The following XRCC3 variants were observed in gnomAD, a reference collection of about 807,000 sequenced individuals.
XRCC3 encodes the protein DNA repair protein XRCC3.
XRCC3 carries 34 observed loss-of-function variants against 29.2 expected under a neutral mutation model. The ratio of observed to expected loss-of-function variants is 1.16; its 90% CI spans 0.88 to 1.55. The LOEUF is 1.55. Among genes scored for constraint, XRCC3 ranks in the 40% most tolerant of loss-of-function variants. The probability of loss-of-function intolerance (pLI) is 0.00; values close to 1 mark genes in which losing one functional copy is unlikely to be tolerated. For missense variants in XRCC3, 463 were observed against 467.6 expected (o/e 0.99, Z 0.09); for synonymous variants, 223 against 211.3 (o/e 1.06, Z -0.48).
chr14:103,700,925 T>C lies in XRCC3; in HGVS notation c.562-1349A>G, dbSNP rs975939482. Among the ~76,000 whole-genome samples, 6 of 152,274 alleles carry C rather than the reference T, an allele frequency of 3.9e-5. No individual in the cohort carries two copies. In the Middle Eastern group the frequency reaches 0.017, roughly 432 times the overall value. Reference sequence around the variant, plus strand: ...GGGCCACAGAGTGGGGGGGTGGGAATGGCACCAGGCTCTGCTTATGCAAGA... The same window carrying C: ...GGGCCACAGAGTGGGGGGGTGGGAACGGCACCAGGCTCTGCTTATGCAAGA... On this transcript the variant is annotated intron_variant, in intron 7 of 9. Coordinates refer to ENST00000555055, the MANE Select transcript of XRCC3 (RefSeq NM_005432.4).
In XRCC3 at chr14:103,708,560, G is replaced by A. The variant is rs117761689; in HGVS notation, c.155C>T (p.Thr52Met). ...SSPEVWHLLRTASLHLRGSSI... is the reference protein window; with the variant it reads ...SSPEVWHLLRMASLHLRGSSI... ...GCTTCCCCGCAAGTGTAAGGAGGCCGTTCTCAGCAAGTGCCAGACCTCGGG... is the reference window on the plus strand; with the variant it reads ...GCTTCCCCGCAAGTGTAAGGAGGCCATTCTCAGCAAGTGCCAGACCTCGGG... The change falls in exon 5 of 10, where the codon ACG (threonine) becomes ATG (methionine). Residue 52 changes from threonine to methionine, a missense_variant. Thr to Met is a moderately conservative substitution (Grantham distance 81). Transcript: ENST00000555055. 283 of 1,614,096 alleles carry A rather than the reference G, an allele frequency of 1.8e-4. No homozygotes were observed. The highest frequency in any genetic ancestry group is 2.1e-4 in the Non-Finnish European group (251 of 1,180,004).
At chr14:103,706,981 C>T (rs774847045) in intron 6 of XRCC3, 22 bp downstream of exon 6, 3 of 1,541,206 alleles carry the variant, frequency 1.9e-6, no homozygotes, top group Non-Finnish European at 2.6e-6. Flanking sequence ...GCCCAGACCC[C>T]ACGGAAGGGG....
intron 1 of XRCC3, chr14:103,713,491 T>A (rs984828869): frequency 1.3e-5 from 2 of 152,494 alleles, no homozygotes; most frequent in Middle Eastern, 3.4e-3. Flanking sequence ...AAGACAGACC[T>A]GTATGTCTTC....
At chr14:103,705,247 C>T (rs571054625) in intron 6 of XRCC3, 2 of 152,432 alleles carry the variant, frequency 1.3e-5, no homozygotes, top group African/African-American at 2.4e-5. Flanking sequence ...TCAGGAGCCA[C>T]AGGAAGGTCG....
At position 103,701,288 on chromosome 14, in the gene XRCC3, CT is replaced by C. The variant is rs1240513947; in HGVS notation, c.562-1713del. 2.8e-6 allele frequency: 4 copies of C among 1,428,614 alleles called. No individual in the cohort carries two copies. In the African/African-American group the frequency reaches 5.7e-5, roughly 20 times the overall value. 88.5% of individuals were successfully genotyped at this position (1,428,614 alleles called of 1,614,324 possible). On this transcript the variant is annotated intron_variant, in intron 7 of 9. Transcript: ENST00000555055. The stretch of plus-strand genomic sequence containing the variant: ...ACAGCCAGGGCGGCAGGGAGGGCCC[CT>C]GGCCGGGAGCCGCAGCGCTCACTCA...
At chr14:103,699,680 C>G (rs1305954523) in intron 7 of XRCC3, 104 bp from the exon 8 acceptor site, 2 of 1,137,966 alleles carry the variant, frequency 1.8e-6, no homozygotes, top group African/African-American at 3.1e-5. Context: ...CCTTCCTACC[C>G]ACCTGGGGCT....
In XRCC3 at chr14:103,699,574, G is replaced by A. The variant is rs1227740658; in HGVS notation, c.564C>T (p.Asp188=). 1.9e-6 allele frequency: 3 copies of A among 1,613,100 alleles called. No individual in the cohort carries two copies. Among genetic ancestry groups the A allele is most frequent in the Non-Finnish European group, 2.5e-6 (3 of 1,179,794 alleles). Reference sequence around the variant, plus strand: ...TCTTATTCACACACTCCAACAAGGTGTCCTGTGGGGACAGCTGTCATTGTC... The same window carrying A: ...TCTTATTCACACACTCCAACAAGGTATCCTGTGGGGACAGCTGTCATTGTC... ...QIFIEHVADV[D]TLLECVNKKV... is the part of the protein sequence containing the mutation. Residue 188 remains aspartate, a splice_region_variant and synonymous_variant, in exon 8 of 10, where the codon GAC becomes GAT. Transcript: ENST00000555055.
rs1788648554 is a variant in XRCC3, at chr14:103,698,528, C to CT, written c.*269dup. 1 of 517,898 alleles carries CT rather than the reference C, an allele frequency of 1.9e-6. No individual in the cohort carries two copies. The highest frequency in any genetic ancestry group is 1.9e-5 in the African/African-American group (1 of 52,102). 32.1% of individuals were successfully genotyped at this position (517,898 alleles called of 1,614,324 possible). A position where few individuals can be genotyped will look rare whatever the true frequency, so the allele number is the denominator to read the frequency against. On this transcript the variant is annotated 3_prime_UTR_variant, in exon 10 of 10. Transcript: ENST00000555055. The stretch of plus-strand genomic sequence containing the variant: ...CAGGCTCCAGCCCTGAGAATCACCT[C>CT]TCCCCAAGGGCCAGCTCAGCAGTGG...
chr14:103,707,210 G>A lies in XRCC3; in HGVS notation c.199C>T (p.Gln67Ter). Residue 67 changes from glutamine (Q) to a stop codon, truncating the protein, a stop_gained, in exon 6 of 10, where the codon CAG (glutamine) becomes TAG (stop). Transcript: ENST00000555055. LOFTEE classifies it high-confidence loss of function. ...AACCGCTCCTTCTGCTGGTGCAGCT[G>A]CAGTGCTAAAGGGCAGGGATAGTGT... ...LRGSSILTAL[Q>*]LHQQKERFPT... 1 of 1,548,742 alleles carries A rather than the reference G, an allele frequency of 6.5e-7. No individual in the cohort carries two copies. The highest frequency in any genetic ancestry group is 8.7e-7 in the Non-Finnish European group (1 of 1,146,706).
At chr14:103,700,680 G>A (rs1450763984) in intron 7 of XRCC3, 1 of 1,607,636 alleles carries the variant, frequency 6.2e-7, no homozygotes, top group East Asian at 2.3e-5. Flanking sequence ...GCCTCTTTTT[G>A]TGGAAAACGA....
rs1205011494 is a variant in XRCC3 at position 103,699,461 on chromosome 14, T to C, written c.677A>G (p.Gln226Arg). The C allele has an allele frequency of 6.2e-7, 1 of 1,612,910 alleles. No individual in the cohort carries two copies. Among genetic ancestry groups the C allele is most frequent in the Non-Finnish European group, 8.5e-7 (1 of 1,179,970 alleles). The stretch of plus-strand genomic sequence containing the variant: ...ATGCCTGGCCCTGGGGGCGGAGGCC[T>C]GGCTGTCAAATTCACAGCGGAATGG... ...AAPFRCEFDS[Q>R]ASAPRARHLQ... is the part of the protein sequence containing the mutation. The change falls in exon 8 of 10, where the codon CAG becomes CGG. Residue 226 changes from glutamine to arginine, a missense_variant. Coordinates refer to ENST00000555055, the MANE Select transcript of XRCC3 (RefSeq NM_005432.4).
At chr14:103,711,367 AT>A (rs1299763867) in intron 3 of XRCC3, 98 bp downstream of exon 3, 1 of 637,242 alleles carries the variant, frequency 1.6e-6, no homozygotes, top group Non-Finnish European at 2.9e-6. Context: ...ACACTGATGC[AT>A]TTGAAAAACC....
At chr14:103,701,451 C>T in intron 7 of XRCC3, 3 of 438,794 alleles carry the variant, frequency 6.8e-6, no homozygotes, top group Non-Finnish European at 1.2e-5. Context: ...ATGAGCTGGG[C>T]CCACGGCTCC....
At position 103,698,681 on chromosome 14, in the gene XRCC3, G is replaced by T; in HGVS notation, c.*117C>A. 2 of 912,918 alleles carry T rather than the reference G, an allele frequency of 2.2e-6. No individual in the cohort carries two copies. Among genetic ancestry groups the T allele is most frequent in the South Asian group, 2.9e-5 (2 of 69,096 alleles). 56.6% of individuals were successfully genotyped at this position (912,918 alleles called of 1,614,324 possible). ...AGAAAGTGGAGCCGCTGCCCTGGAA[G>T]AGCTGTGTCTGAACCAGGCTCCCAG... On this transcript the variant is annotated 3_prime_UTR_variant, in exon 10 of 10. Transcript: ENST00000555055.
At chr14:103,703,920 G>C (rs1036383607) in intron 6 of XRCC3, 1 of 162,518 alleles carries the variant, frequency 6.2e-6, no homozygotes, top group Non-Finnish European at 1.4e-5. Flanking sequence ...GGTGCAGCTC[G>C]GAAAACAATC....
At chr14:103,699,866 G>C (rs1255904437) in intron 7 of XRCC3, 2 of 472,080 alleles carry the variant, frequency 4.2e-6, no homozygotes, top group Non-Finnish European at 7.8e-6. Context: ...CCTCTGTAGA[G>C]GTGTCCTTTG....
intron 1 of XRCC3, chr14:103,714,244 A>C (rs1338789940): frequency 6.6e-6 from 1 of 152,274 alleles, no homozygotes; most frequent in African/African-American, 2.4e-5. Context: ...GATTCGTGGA[A>C]TCATACTTTG....
intron 6 of XRCC3, chr14:103,705,155 A>G (rs1349410178): frequency 6.6e-6 from 1 of 152,230 alleles, no homozygotes; most frequent in Non-Finnish European, 1.5e-5. Flanking sequence ...AGGAACGTAT[A>G]AATACTGCCT....
intron 2 of XRCC3, chr14:103,712,106 C>T (rs1415402383): frequency 5.3e-5 from 3 of 56,746 alleles, no homozygotes; most frequent in Non-Finnish European, 1.1e-4. Context: ...CTCAGGGAGA[C>T]AGGAACAGAC....
Sources: allele counts gnomAD v4.1 joint callset (sites outside exome capture counted in the v4.1 genomes callset), GRCh38; gene constraint gnomAD v4.1.1; transcripts MANE v1.5; gene names NCBI Gene and HGNC (gene_info 2026-07-23, HGNC 2026-07-21).